The following TRIM14 variants were observed in gnomAD, a reference collection of about 807,000 sequenced individuals.
TRIM14 encodes tripartite motif containing 14, also known as tripartite motif-containing protein 14.
In TRIM14, 28 loss-of-function variants were observed where a neutral mutation model predicts 44.5. That is an observed-to-expected ratio of 0.63 (90% confidence interval 0.47 to 0.86). The LOEUF (loss-of-function observed/expected upper bound fraction) is 0.86. TRIM14 is among the 40% of genes least tolerant of loss of function. The probability of loss-of-function intolerance (pLI) is 0.00; values close to 1 mark genes in which losing one functional copy is unlikely to be tolerated. For synonymous variants in TRIM14, 299 were observed against 269.2 expected, an observed-to-expected ratio of 1.11 and a Z score of -1.08; for missense variants, 607 against 611.1, an observed-to-expected ratio of 0.99 and a Z score of 0.07.
chr9:98,059,457 C>T, the TRIM14 span, among the ~76,000 whole-genome samples: 440 of 152,296 alleles, frequency 2.9e-3, 1 homozygote, highest in African/African-American at 0.01. Context: ...CTCTGTTGCT[C>T]AGGCTGGAGT....
At position 98,072,931 on chromosome 9, in the gene TRIM14, G is replaced by A. The variant is rs116912681; in HGVS notation, c.*29-3244C>T. Among the ~76,000 whole-genome samples the A allele has an allele frequency of 6.7e-3, 1,017 of 152,312 alleles. 7 individuals are homozygous for A. Among genetic ancestry groups the A allele is most frequent in the Middle Eastern group, 0.014 (4 of 294 alleles). On this transcript the variant is annotated intron_variant, in intron 6 of 6. Transcript: ENST00000375098. The stretch of plus-strand genomic sequence containing the variant: ...CTCTGTGTGCTGAGGAAAGGTTAAG[G>A]TGTGGCAGAATTTTATTAAGGCCAA...
At chr9:98,040,187 G>A in the TRIM14 span, among the ~76,000 whole-genome samples, 434 of 152,136 alleles carry the variant, frequency 2.9e-3, 1 homozygote, top group Non-Finnish European at 4.2e-3. Context: ...CTCCAAACAC[G>A]CACTTCCTCA....
At chr9:98,050,341 T>C in the TRIM14 span, among the ~76,000 whole-genome samples, 1 of 152,190 alleles carries the variant, frequency 6.6e-6, no homozygotes, top group Non-Finnish European at 1.5e-5. Context: ...CATGTCACCA[T>C]CCCAGCATAA....
the TRIM14 span, among the ~76,000 whole-genome samples, chr9:98,038,180 A>G: frequency 6.6e-6 from 1 of 152,008 alleles, no homozygotes; most frequent in African/African-American, 2.4e-5. Context: ...CCTCCTGAGT[A>G]GCTGGGATTA....
intron 2 of TRIM14, among the ~76,000 whole-genome samples, chr9:98,103,697 G>C (rs999482230): frequency 2.6e-5 from 4 of 152,004 alleles, no homozygotes; most frequent in African/African-American, 9.7e-5. Flanking sequence ...AATTAGCCAG[G>C]TGTGGTGGTG....
In TRIM14 at chr9:98,073,271, C is replaced by CTTTTTT. The variant is rs10606237; in HGVS notation, c.*29-3590_*29-3585dup. On this transcript the variant is annotated intron_variant, in intron 6 of 6. Coordinates refer to the TRIM14 transcript ENST00000375098. ...GTTCTCCCCAGCTCATCACCATGGGCTTTTTTTTTTTTTTTTTTTTTTTTT... is the reference window on the plus strand; with the variant it reads ...GTTCTCCCCAGCTCATCACCATGGGCTTTTTTTTTTTTTTTTTTTTTTTTTTTTTTT... Among the ~76,000 whole-genome samples, 111 of 57,844 alleles carry CTTTTTT rather than the reference C, an allele frequency of 1.9e-3. 12 individuals carry two copies. Among genetic ancestry groups the CTTTTTT allele is most frequent in the Non-Finnish European group, 2.8e-3 (96 of 33,706 alleles). The allele number at this position is 57,844 out of a possible 152,430, so 37.9% of individuals were successfully genotyped here. A position where few individuals can be genotyped will look rare whatever the true frequency, so the allele number is the denominator to read the frequency against.
chr9:98,044,823 C>A, the TRIM14 span, among the ~76,000 whole-genome samples: 1 of 152,038 alleles, frequency 6.6e-6, no homozygotes, highest in African/African-American at 2.4e-5. Context: ...CTTTAGAATG[C>A]GCCTCTGAGC....
chr9:98,116,377 T>C (rs527577220), intron 1 of TRIM14, among the ~76,000 whole-genome samples: 2 of 151,348 alleles, frequency 1.3e-5, no homozygotes, highest in East Asian at 3.9e-4. Flanking sequence ...CCTTACAAGG[T>C]TCCCGACCTT....
chr9:98,049,136 G>A, the TRIM14 span, among the ~76,000 whole-genome samples: 1 of 151,240 alleles, frequency 6.6e-6, no homozygotes, highest in Admixed American at 6.6e-5. Context: ...GAGGTCAGGA[G>A]TTTGAGACCA....
At position 98,087,316 on chromosome 9, in the gene TRIM14, A is replaced by G. The variant is rs1189346750; in HGVS notation, c.*154T>C. 10 of 1,209,790 alleles carry G rather than the reference A, an allele frequency of 8.3e-6. No individual in the cohort carries two copies. The highest frequency in any genetic ancestry group is 1.5e-5 in the African/African-American group (1 of 67,040). The allele number at this position is 1,209,790 out of a possible 1,614,324, so 74.9% of individuals were successfully genotyped here. ...AACTAGCCTAGGAGAGGAAACCTTC[A>G]AAGCACTGTAGGCGTGATTGGTCGG... On this transcript the variant is annotated 3_prime_UTR_variant, in exon 6 of 6. Coordinates refer to ENST00000341469, the MANE Select transcript of TRIM14 (RefSeq NM_014788.4).
At chr9:98,089,570 C>T (rs981711646) in intron 5 of TRIM14, among the ~76,000 whole-genome samples, 4 of 152,186 alleles carry the variant, frequency 2.6e-5, no homozygotes, top group Non-Finnish European at 5.9e-5. Context: ...CTTAGAGGGT[C>T]TAGAACCAGA....
chr9:98,072,090 C>T (rs1285882580), intron 6 of TRIM14, among the ~76,000 whole-genome samples: 6 of 152,196 alleles, frequency 3.9e-5, no homozygotes, highest in Non-Finnish European at 5.9e-5. Flanking sequence ...GTCAGGCTCT[C>T]TGAGCTCAGC....
chr9:98,038,373 C>T, the TRIM14 span, among the ~76,000 whole-genome samples: 42,036 of 151,860 alleles, frequency 0.28, 6,038 homozygotes, highest in Admixed American at 0.31. Context: ...TAAAGAACTT[C>T]CTACATGTTC....
chr9:98,087,895 C>G lies in TRIM14; in HGVS notation c.904G>C (p.Val302Leu). ...TGCCAGAGCGCGTCGAACCGCAGCA[C>G]GGGCACGGGCCCCAGGCTGCCCAGC... ...GLLGSLGPVP[V>L]LRFDALWQVL... Residue 302 changes from valine (V) to leucine (L), a missense_variant, in exon 6 of 6, where the codon GTG (valine) becomes CTG (leucine). Val to Leu is a conservative substitution (Grantham distance 32). Around this residue, in one of 3 missense-constraint regions of TRIM14, gnomAD observed 356 missense variants for 323.0 expected, o/e 1.10. Transcript: ENST00000341469. 6.4e-7 allele frequency: 1 copy of G among 1,569,416 alleles called. No individual in the cohort carries two copies. The highest frequency in any genetic ancestry group is 8.6e-7 in the Non-Finnish European group (1 of 1,167,894).
At chr9:98,042,316 T>C in the TRIM14 span, among the ~76,000 whole-genome samples, 1 of 151,268 alleles carries the variant, frequency 6.6e-6, no homozygotes, top group Middle Eastern at 3.2e-3. Flanking sequence ...AAAAAAGTTT[T>C]CCTATAATTT....
chr9:98,039,093 C>G, the TRIM14 span, among the ~76,000 whole-genome samples: 5 of 152,038 alleles, frequency 3.3e-5, no homozygotes, highest in East Asian at 9.6e-4. Context: ...CACATGCCCT[C>G]TAGAGTAGCA....
At chr9:98,074,459 C>G (rs1829490903) in intron 6 of TRIM14, among the ~76,000 whole-genome samples, 1 of 152,156 alleles carries the variant, frequency 6.6e-6, no homozygotes, top group Admixed American at 6.5e-5. Flanking sequence ...CCTGTAGTAG[C>G]CCCTAGGCAC....
chr9:98,096,526 C>G (rs1730120368), intron 3 of TRIM14, among the ~76,000 whole-genome samples: 1 of 152,182 alleles, frequency 6.6e-6, no homozygotes, highest in African/African-American at 2.4e-5. Flanking sequence ...GTTCTCAAAA[C>G]ATATGTATGA....
At chr9:98,097,074 G>A (rs777006340) in intron 3 of TRIM14, among the ~76,000 whole-genome samples, 8 of 152,080 alleles carry the variant, frequency 5.3e-5, no homozygotes, top group Non-Finnish European at 7.4e-5. Flanking sequence ...CGTGCTTGTC[G>A]TCTCAGCTCT....
Sources: gnomAD v4.1 joint callset for allele counts (sites outside exome capture counted in the v4.1 genomes callset) on GRCh38, gnomAD v4.1.1 for gene constraint, gnomAD v4.1.1 regional missense constraint, MANE v1.5 for transcripts, NCBI Gene and HGNC (gene_info 2026-07-23, HGNC 2026-07-21) for gene names.